RHOU: variants seen among roughly 807,000 people sequenced by gnomAD.
RHOU encodes rho-related GTP-binding protein RhoU.
In RHOU, 8 loss-of-function variants were observed where a neutral mutation model predicts 12.6. The ratio of observed to expected loss-of-function variants is 0.64; its 90% CI spans 0.37 to 1.15. RHOU has a LOEUF of 1.15. RHOU is among the 50% of genes most tolerant of loss of function. The pLI is 0.01. For missense variants in RHOU, 258 were observed against 347.0 expected, an observed-to-expected ratio of 0.74 and a Z score of 2.04; for synonymous variants, 161 against 147.4, an observed-to-expected ratio of 1.09 and a Z score of -0.67.
chr1:228,707,253 ATAGTGTGTGTGTGTGTGTGTGT>A, the RHOU span, among the ~76,000 whole-genome samples: 6 of 77,136 alleles, frequency 7.8e-5, no homozygotes, highest in East Asian at 1.1e-3. Flanking sequence ...ATATATATAT[ATAGTGTGTGTGTGTGTGTGTGT>A]GTGTGTGTGT....
the RHOU span, among the ~76,000 whole-genome samples, chr1:228,709,877 T>G: frequency 0.015 from 2,357 of 152,172 alleles, 56 homozygotes; most frequent in African/African-American, 0.054. Context: ...AGGAGCTGGT[T>G]TTTTGAAAGG....
chr1:228,659,424 T>C, the RHOU span, among the ~76,000 whole-genome samples: 1 of 150,824 alleles, frequency 6.6e-6, no homozygotes. Flanking sequence ...AGATCTCAAA[T>C]TAGCAACCTA....
At chr1:228,657,389 T>C in the RHOU span, among the ~76,000 whole-genome samples, 1 of 147,336 alleles carries the variant, frequency 6.8e-6, no homozygotes, top group African/African-American at 2.5e-5. Flanking sequence ...TGTACTAATA[T>C]CAGACAAAAC....
At chr1:228,680,964 T>C in the RHOU span, among the ~76,000 whole-genome samples, 1 of 152,204 alleles carries the variant, frequency 6.6e-6, no homozygotes, top group Non-Finnish European at 1.5e-5. Flanking sequence ...GTCTGGCTCA[T>C]GAAGCCGGTG....
At chr1:228,660,354 TAA>T in the RHOU span, among the ~76,000 whole-genome samples, 1 of 114,614 alleles carries the variant, frequency 8.7e-6, no homozygotes. Context: ...CCGAAAAAAA[TAA>T]AAAAAAAAAA....
At chr1:228,670,626 T>C in the RHOU span, among the ~76,000 whole-genome samples, 29 of 152,322 alleles carry the variant, frequency 1.9e-4, 1 homozygote, top group African/African-American at 6.5e-4. Flanking sequence ...GATGAGATCT[T>C]CCTACTTCCT....
chr1:228,690,000 A>T, the RHOU span, among the ~76,000 whole-genome samples: 1 of 134,344 alleles, frequency 7.4e-6, no homozygotes, highest in Non-Finnish European at 1.5e-5. Flanking sequence ...ACCGGAATTT[A>T]AAAAAAATGT....
the RHOU span, among the ~76,000 whole-genome samples, chr1:228,660,714 A>G: frequency 1.3e-5 from 2 of 151,774 alleles, no homozygotes; most frequent in African/African-American, 4.8e-5. Flanking sequence ...TGGGTGGATT[A>G]CCTGAGGTTG....
the RHOU span, among the ~76,000 whole-genome samples, chr1:228,710,588 A>C: frequency 6.6e-6 from 1 of 152,216 alleles, no homozygotes; most frequent in Non-Finnish European, 1.5e-5. Context: ...GATGCAGAAA[A>C]GGCCTTTGAC....
At chr1:228,661,569 T>G in the RHOU span, among the ~76,000 whole-genome samples, 298 of 152,150 alleles carry the variant, frequency 2.0e-3, 1 homozygote, top group Non-Finnish European at 3.8e-3. Context: ...GCAAAAACAA[T>G]AACTGGGAAA....
upstream of RHOU, among the ~76,000 whole-genome samples, chr1:228,734,511 C>T (rs1235545338): frequency 6.6e-6 from 1 of 152,190 alleles, no homozygotes; most frequent in Non-Finnish European, 1.5e-5. Flanking sequence ...GTGTTCTCAT[C>T]TGTAAGTAAT....
the RHOU span, among the ~76,000 whole-genome samples, chr1:228,699,710 T>G: frequency 6.6e-6 from 1 of 152,080 alleles, no homozygotes; most frequent in Non-Finnish European, 1.5e-5. Context: ...TTTTATAACG[T>G]GTCTAGTGAA....
At chr1:228,648,814 T>C in the RHOU span, among the ~76,000 whole-genome samples, 1 of 152,228 alleles carries the variant, frequency 6.6e-6, no homozygotes, top group Middle Eastern at 3.4e-3. Flanking sequence ...GCTTTTCATA[T>C]AGTCTGAAAT....
At chr1:228,681,544 A>G in the RHOU span, among the ~76,000 whole-genome samples, 1 of 152,134 alleles carries the variant, frequency 6.6e-6, no homozygotes, top group Non-Finnish European at 1.5e-5. Flanking sequence ...AGGAGGGAAC[A>G]AAGTGTGAAA....
At chr1:228,646,641 CG>C in the RHOU span, among the ~76,000 whole-genome samples, 16 of 144,132 alleles carry the variant, frequency 1.1e-4, no homozygotes, top group African/African-American at 4.1e-4. Flanking sequence ...TGTTTTGCCC[CG>C]GGCTGGCACT....
At chr1:228,651,278 G>T in the RHOU span, 1 of 182,518 alleles carries the variant, frequency 5.5e-6, no homozygotes. Flanking sequence ...CTTGAAGGGT[G>T]TCTACTGCAC....
the RHOU span, among the ~76,000 whole-genome samples, chr1:228,706,623 C>T: frequency 5.3e-3 from 811 of 152,274 alleles, 6 homozygotes; most frequent in Non-Finnish European, 7.8e-3. Flanking sequence ...AAGGAGGCGG[C>T]TTTAGGCTGA....
At chr1:228,709,876 T>C in the RHOU span, among the ~76,000 whole-genome samples, 2 of 151,890 alleles carry the variant, frequency 1.3e-5, no homozygotes, top group Non-Finnish European at 2.9e-5. Flanking sequence ...CAGGAGCTGG[T>C]TTTTTGAAAG....
At chr1:228,689,711 G>C in the RHOU span, among the ~76,000 whole-genome samples, 1 of 151,800 alleles carries the variant, frequency 6.6e-6, no homozygotes, top group African/African-American at 2.4e-5. Context: ...ATTGTGAACT[G>C]TGCATGTGAG....
Sources: gnomAD v4.1 joint callset for allele counts (sites outside exome capture counted in the v4.1 genomes callset) on GRCh38, gnomAD v4.1.1 for gene constraint, MANE v1.5 for transcripts, NCBI Gene and HGNC (gene_info 2026-07-23, HGNC 2026-07-21) for gene names.